Variants in MTRR observed in about 807,000 individuals in gnomAD.
MTRR encodes the protein methionine synthase reductase.
A neutral mutation model predicts 79.2 loss-of-function variants in MTRR; 63 were observed. The observed-to-expected ratio is 0.80, with a 90% CI of 0.65 to 0.98. MTRR has a LOEUF of 0.98. Among genes scored for constraint, MTRR ranks in the 50% least tolerant of loss-of-function variants. The pLI is 0.00. For synonymous variants in MTRR, 355 were observed against 313.3 expected (o/e 1.13, Z -1.41); for missense variants, 895 against 839.6 (o/e 1.07, Z -0.82).
chr5:7,869,151 G>A lies in MTRR; in HGVS notation c.-90G>A. 1 of 1,613,158 alleles carries A rather than the reference G, an allele frequency of 6.2e-7. No homozygotes were observed. Among genetic ancestry groups the A allele is most frequent in the South Asian group, 1.1e-5 (1 of 91,084 alleles). On this transcript the variant is annotated 5_prime_UTR_variant, in exon 1 of 15. Coordinates refer to ENST00000440940, the MANE Select transcript of MTRR (RefSeq NM_002454.3). ...TACCGAGCATGGGCGCTGCGTCAGT[G>A]CGCGCTGGCGCAAGGTTGGTGGAAG...
rs2277957 is a variant in MTRR, at chr5:7,892,531, A to T, written c.1371-196A>T. On this transcript the variant is annotated intron_variant, in intron 10 of 14. Coordinates refer to ENST00000440940, the MANE Select transcript of MTRR (RefSeq NM_002454.3). ...ATAAAATTGGAAACTTTCTTGAATAACAAAATGTAGGGTGTGAGAGTGTGA... is the reference window on the plus strand; with the variant it reads ...ATAAAATTGGAAACTTTCTTGAATATCAAAATGTAGGGTGTGAGAGTGTGA... 0.041 allele frequency among the ~76,000 whole-genome samples: 6,228 copies of T among 152,288 alleles called. 260 individuals carry two copies. The highest frequency in any genetic ancestry group is 0.18 in the East Asian group (953 of 5,172).
intron 1 of MTRR, among the ~76,000 whole-genome samples, chr5:7,855,884 C>A (rs1008310697): frequency 1.3e-5 from 2 of 152,140 alleles, no homozygotes; most frequent in South Asian, 4.1e-4. Flanking sequence ...GGCAAAATTT[C>A]TTTTGATGGA....
intron 1 of MTRR, among the ~76,000 whole-genome samples, chr5:7,851,810 C>T (rs7714950): frequency 0.34 from 51,278 of 151,678 alleles, 8,996 homozygotes; most frequent in Admixed American, 0.46. Context: ...ACCTGCGTTC[C>T]GTTTGTTGAA....
At chr5:7,868,383 C>T (rs1028988572), upstream of MTRR, among the ~76,000 whole-genome samples, 3 of 152,078 alleles carry the variant, frequency 2.0e-5, no homozygotes, top group Admixed American at 6.5e-5. Flanking sequence ...TCATTTTACA[C>T]GAGGAAGAAG....
upstream of MTRR, chr5:7,867,844 C>G (rs150802478): frequency 3.7e-6 from 6 of 1,614,048 alleles, no homozygotes; most frequent in Non-Finnish European, 5.1e-6. Flanking sequence ...CTTGAGAGAA[C>G]ACTGGTCCAC....
chr5:7,870,749 C>A lies in MTRR; in HGVS notation c.-25-21C>A, dbSNP rs1426234711. 2.5e-6 allele frequency: 4 copies of A among 1,613,616 alleles called. No individual in the cohort carries two copies. The African/African-American group carries it at 4.0e-5, about 16-fold the overall frequency. On this transcript the variant is annotated intron_variant, in intron 1 of 14. Transcript: ENST00000440940. Reference sequence around the variant, plus strand: ...GTTACTGCTTCATTAAAAAGAGGATCTTTTTTCCCCCATTTTTCAGTTTCA... The same window carrying A: ...GTTACTGCTTCATTAAAAAGAGGATATTTTTTCCCCCATTTTTCAGTTTCA...
intron 14 of MTRR, among the ~76,000 whole-genome samples, 184 bp from the exon 15 acceptor site, chr5:7,899,730 C>T (rs1241861949): frequency 6.6e-6 from 1 of 152,144 alleles, no homozygotes; most frequent in African/African-American, 2.4e-5. Flanking sequence ...TCTCCTAGAA[C>T]AGTCACTGTA....
Position 7,886,615 on chromosome 5 carries a change from G to A in MTRR, c.1058G>A (p.Gly353Glu), listed in dbSNP as rs1192521826. ...CCCTTTCCCGTCTTTACCTGAAAAG[G>A]AGCTACCTTACCCCAGCATATACCT... ...LKIKADTKKK[G>E]ATLPQHIPAG... Residue 353 changes from glycine (G) to glutamate (E), a missense_variant and splice_region_variant, in exon 8 of 15, where the codon GGA (glycine) becomes GAA (glutamate). Physicochemically the swap from Gly to Glu is moderately conservative, Grantham distance 98 (BLOSUM62 -2). Coordinates refer to ENST00000440940, the MANE Select transcript of MTRR (RefSeq NM_002454.3). The A allele has an allele frequency of 3.1e-6, 5 of 1,611,926 alleles. No homozygotes were observed. Among genetic ancestry groups the A allele is most frequent in the Non-Finnish European group, 4.2e-6 (5 of 1,178,094 alleles).
rs1554007033 is a variant in MTRR at position 7,896,837 on chromosome 5, A to G, written c.1677-27A>G. The G allele has an allele frequency of 6.9e-6, 11 of 1,584,328 alleles. No individual in the cohort carries two copies. In the South Asian group the frequency reaches 1.1e-4, roughly 16 times the overall value. On this transcript the variant is annotated intron_variant, in intron 12 of 14. Coordinates refer to ENST00000440940, the MANE Select transcript of MTRR (RefSeq NM_002454.3). ...GTTTTACATATTCTTTATATCACAC[A>G]CCTAAACTTTTTTTTTTTCCACTTA...
At chr5:7,851,275 G>C (rs947750725) in exon 1 of MTRR, 1 of 386,226 alleles carries the variant, frequency 2.6e-6, no homozygotes, top group Non-Finnish European at 4.5e-6. Flanking sequence ...TCCTCCTCGG[G>C]AGGAGCCCGA....
intron 4 of MTRR, among the ~76,000 whole-genome samples, chr5:7,875,829 G>C (rs1734461624): frequency 6.6e-6 from 1 of 152,232 alleles, no homozygotes; most frequent in South Asian, 2.1e-4. Context: ...TGCTTGGCGT[G>C]CTCTTACCGT....
intron 2 of MTRR, among the ~76,000 whole-genome samples, chr5:7,863,805 T>C (rs1746725689): frequency 6.6e-6 from 1 of 152,186 alleles, no homozygotes; most frequent in Admixed American, 6.5e-5. Flanking sequence ...AATGATTGCG[T>C]GCTTGAAAAT....
chr5:7,865,891 C>A, upstream of MTRR: 1 of 1,610,852 alleles, frequency 6.2e-7, no homozygotes, highest in Non-Finnish European at 8.5e-7. Context: ...ATAGTTCATG[C>A]TTTTACCTTA....
In MTRR at chr5:7,897,152, A is replaced by G. The variant is rs1416687292; in HGVS notation, c.1857A>G (p.Glu619=). The G allele has an allele frequency of 1.2e-6, 2 of 1,614,032 alleles. No individual in the cohort carries two copies. The highest frequency in any genetic ancestry group is 1.7e-6 in the Non-Finnish European group (2 of 1,180,022). The change falls in exon 14 of 15, where the codon GAA becomes GAG. Residue 619 remains glutamate (E), a synonymous_variant. Transcript: ENST00000440940. ...GAGATGCTCCTGTTGGGGAGGAGGA[A>G]GCCCCAGCAAAGTATGTGCAAGACA... ...FSRDAPVGEE[E]APAKYVQDNI...
chr5:7,854,864 G>C (rs1032664243), intron 1 of MTRR, among the ~76,000 whole-genome samples: 1 of 152,220 alleles, frequency 6.6e-6, no homozygotes, highest in Non-Finnish European at 1.5e-5. Flanking sequence ...TAGCACGGGA[G>C]AAAGAGGTAG....
intron 7 of MTRR, 150 bp from the exon 8 acceptor site, chr5:7,886,465 A>T: frequency 1.5e-6 from 1 of 658,304 alleles, no homozygotes; most frequent in Non-Finnish European, 2.7e-6. Flanking sequence ...ATTTTGGGGA[A>T]TTTTTTTGGC....
rs554491187 is a variant in MTRR at position 7,899,870 on chromosome 5, A to G, written c.1953-44A>G. ...TTGTGAATTAAGGAGGATTTACTAA[A>G]AATGCCTGTTTGTAAGCAGTCATCT... On this transcript the variant is annotated intron_variant, in intron 14 of 14. Transcript: ENST00000440940. 3.7e-6 allele frequency: 6 copies of G among 1,612,884 alleles called. No individual in the cohort carries two copies. The South Asian group carries it at 5.5e-5, about 15-fold the overall frequency.
chr5:7,861,237 T>G, intron 1 of MTRR: 1 of 1,611,334 alleles, frequency 6.2e-7, no homozygotes, highest in South Asian at 1.1e-5. Flanking sequence ...GCAAAACCTT[T>G]TTGGACCATC....
At chr5:7,881,583 C>CT (rs754550012) in intron 5 of MTRR, among the ~76,000 whole-genome samples, 34 of 152,112 alleles carry the variant, frequency 2.2e-4, no homozygotes, top group Non-Finnish European at 4.0e-4. Context: ...TTAAGGGAAT[C>CT]TGAGTATTCA....
Sources: allele counts gnomAD v4.1 joint callset (sites outside exome capture counted in the v4.1 genomes callset), GRCh38; gene constraint gnomAD v4.1.1; transcripts MANE v1.5; gene names NCBI Gene and HGNC (gene_info 2026-07-23, HGNC 2026-07-21).